The following HS3ST4 variants were observed in gnomAD, a reference collection of about 807,000 sequenced individuals.
HS3ST4 encodes heparan sulfate glucosamine 3-O-sulfotransferase 4.
In HS3ST4, 17 loss-of-function variants were observed where a neutral mutation model predicts 29.2. The observed-to-expected ratio is 0.58, with a 90% CI of 0.40 to 0.87. HS3ST4 has a LOEUF of 0.87. HS3ST4 is among the 40% of genes least tolerant of loss of function. The pLI is 0.00. For missense variants in HS3ST4, 627 were observed against 634.5 expected (o/e 0.99, Z 0.13); for synonymous variants, 314 against 285.7 (o/e 1.10, Z -1.00).
intron 1 of HS3ST4, among the ~76,000 whole-genome samples, chr16:25,830,504 G>T (rs551555191): frequency 6.6e-6 from 1 of 152,260 alleles, no homozygotes; most frequent in East Asian, 1.9e-4. Flanking sequence ...TGACCCCTCT[G>T]ACTACTTCTC....
intron 1 of HS3ST4, among the ~76,000 whole-genome samples, chr16:26,098,463 T>C (rs748682194): frequency 6.6e-6 from 1 of 152,032 alleles, no homozygotes; most frequent in Non-Finnish European, 1.5e-5. Flanking sequence ...AAACCATCAT[T>C]CTCAGCAAAC....
intron 1 of HS3ST4, among the ~76,000 whole-genome samples, chr16:25,923,465 G>C (rs1346196262): frequency 6.6e-6 from 1 of 152,136 alleles, no homozygotes; most frequent in Non-Finnish European, 1.5e-5. Context: ...GACACTTGAG[G>C]CATCTATCAA....
intron 1 of HS3ST4, among the ~76,000 whole-genome samples, chr16:26,089,836 G>A (rs979140571): frequency 6.6e-6 from 1 of 152,124 alleles, no homozygotes; most frequent in Non-Finnish European, 1.5e-5. Context: ...CCAACCTTTG[G>A]TCTCTGCAAC....
At chr16:25,848,811 G>GT (rs1416156338) in intron 1 of HS3ST4, among the ~76,000 whole-genome samples, 1 of 151,008 alleles carries the variant, frequency 6.6e-6, no homozygotes, top group African/African-American at 2.4e-5. Context: ...ACTTTCTTCA[G>GT]TTTTTTTATT....
chr16:25,705,526 G>A (rs1444534380), intron 1 of HS3ST4, among the ~76,000 whole-genome samples: 6 of 152,058 alleles, frequency 3.9e-5, no homozygotes, highest in Admixed American at 1.3e-4. Context: ...TTAGCTAGGC[G>A]TGGTGGCACG....
intron 1 of HS3ST4, among the ~76,000 whole-genome samples, chr16:26,063,362 C>G (rs1399683402): frequency 6.6e-6 from 1 of 151,996 alleles, no homozygotes; most frequent in East Asian, 1.9e-4. Flanking sequence ...GCAAATGAGA[C>G]CATGCTCAGC....
chr16:25,738,309 A>G (rs1169626517), intron 1 of HS3ST4, among the ~76,000 whole-genome samples: 1 of 152,168 alleles, frequency 6.6e-6, no homozygotes, highest in African/African-American at 2.4e-5. Flanking sequence ...ATTTATGACT[A>G]TCAGCGCAGC....
intron 1 of HS3ST4, among the ~76,000 whole-genome samples, chr16:25,701,103 A>G (rs1330642174): frequency 6.6e-6 from 1 of 152,164 alleles, no homozygotes; most frequent in African/African-American, 2.4e-5. Context: ...GTCTCTTTCC[A>G]TTCTTTGCCG....
chr16:25,947,265 T>C (rs539627265), intron 1 of HS3ST4, among the ~76,000 whole-genome samples: 1 of 152,276 alleles, frequency 6.6e-6, no homozygotes, highest in South Asian at 2.1e-4. Context: ...ATATGGCTAA[T>C]GTTAACTTTA....
At chr16:26,070,441 C>G (rs1898588923) in intron 1 of HS3ST4, among the ~76,000 whole-genome samples, 1 of 152,194 alleles carries the variant, frequency 6.6e-6, no homozygotes. Flanking sequence ...ATCCTGGGAG[C>G]ATAGCCCAGA....
At chr16:26,097,636 G>A (rs1898942110) in intron 1 of HS3ST4, among the ~76,000 whole-genome samples, 1 of 152,184 alleles carries the variant, frequency 6.6e-6, no homozygotes, top group African/African-American at 2.4e-5. Flanking sequence ...AACCCTAGAA[G>A]CAAGCCTAGG....
At chr16:25,923,368 A>G (rs1057446003) in intron 1 of HS3ST4, among the ~76,000 whole-genome samples, 4 of 152,160 alleles carry the variant, frequency 2.6e-5, no homozygotes, top group African/African-American at 9.7e-5. Context: ...CTGTGTCTCT[A>G]TGTCCAAGCT....
chr16:25,962,520 A>G (rs1440975089), intron 1 of HS3ST4, among the ~76,000 whole-genome samples: 1 of 152,122 alleles, frequency 6.6e-6, no homozygotes, highest in Admixed American at 6.6e-5. Context: ...AAACAAGCCA[A>G]CAATATTTGT....
intron 1 of HS3ST4, among the ~76,000 whole-genome samples, chr16:25,767,749 A>G (rs1966829657): frequency 6.6e-6 from 1 of 152,174 alleles, no homozygotes; most frequent in African/African-American, 2.4e-5. Flanking sequence ...GCACATGGCA[A>G]ACGCTCAAGA....
intron 1 of HS3ST4, among the ~76,000 whole-genome samples, chr16:25,917,364 C>T (rs1968303318): frequency 6.6e-6 from 1 of 152,164 alleles, no homozygotes; most frequent in Non-Finnish European, 1.5e-5. Flanking sequence ...AGGCGCATGC[C>T]ACCATGCCTG....
intron 1 of HS3ST4, among the ~76,000 whole-genome samples, chr16:26,130,116 G>C (rs185487835): frequency 6.6e-5 from 10 of 152,186 alleles, no homozygotes; most frequent in Admixed American, 6.5e-4. Context: ...GAGTTGGAGA[G>C]TGTCTCATAA....
intron 1 of HS3ST4, among the ~76,000 whole-genome samples, chr16:25,948,893 G>A (rs1968656481): frequency 6.6e-6 from 1 of 152,152 alleles, no homozygotes; most frequent in Non-Finnish European, 1.5e-5. Context: ...CTGAAGCAAA[G>A]CAAGACTTAA....
intron 1 of HS3ST4, among the ~76,000 whole-genome samples, chr16:25,812,285 C>T (rs990006291): frequency 3.9e-5 from 6 of 152,192 alleles, no homozygotes; most frequent in Admixed American, 3.9e-4. Context: ...ACCTACATCC[C>T]TAGCCTCATC....
intron 1 of HS3ST4, among the ~76,000 whole-genome samples, chr16:25,833,589 T>C (rs1468792409): frequency 6.6e-6 from 1 of 152,180 alleles, no homozygotes; most frequent in African/African-American, 2.4e-5. Flanking sequence ...TATTGCTCTA[T>C]GAATTGGAGC....
Sources: gnomAD v4.1 joint callset for allele counts (sites outside exome capture counted in the v4.1 genomes callset) on GRCh38, gnomAD v4.1.1 for gene constraint, MANE v1.5 for transcripts, NCBI Gene and HGNC (gene_info 2026-07-23, HGNC 2026-07-21) for gene names.